DSTN: variants seen among roughly 807,000 people sequenced by gnomAD.
DSTN encodes destrin.
Under a neutral mutation model 16.8 loss-of-function variants are expected in DSTN, and 10 were observed. The observed-to-expected ratio is 0.60, with a 90% confidence interval of 0.37 to 1.01. The LOEUF is 1.01. Ranked by LOEUF, DSTN falls within the 50% of genes least tolerant of loss-of-function variation. The pLI is 0.01. For missense variants in DSTN, 141 were observed against 196.7 expected (o/e 0.72, Z 1.69); for synonymous variants, 57 against 58.9 (o/e 0.97, Z 0.14).
intron 1 of DSTN, among the ~76,000 whole-genome samples, chr20:17,585,719 A>G (rs2035399996): frequency 6.6e-6 from 1 of 152,156 alleles, no homozygotes; most frequent in South Asian, 2.1e-4. Context: ...AAAATATAGA[A>G]TAATTCCTTC....
chr20:17,596,213 C>T (rs1450042093), intron 1 of DSTN, among the ~76,000 whole-genome samples: 1 of 151,954 alleles, frequency 6.6e-6, no homozygotes, highest in Admixed American at 6.6e-5. Context: ...TTTTTAGTGT[C>T]CTTGATGGGT....
intron 1 of DSTN, 67 bp downstream of exon 1, chr20:17,570,278 G>A: frequency 1.4e-6 from 2 of 1,435,162 alleles, no homozygotes; most frequent in South Asian, 2.8e-5. Flanking sequence ...GGGGCGCCGC[G>A]GAGTCGGGGC....
At chr20:17,603,336 G>A (rs2025041) in intron 2 of DSTN, among the ~76,000 whole-genome samples, 151,184 of 152,340 alleles carry the variant, frequency 0.99, 75,027 homozygotes, top group East Asian at 1. Context: ...GGAAACTACA[G>A]CTTTAAGCAA....
rs773960626 is a variant in DSTN, at chr20:17,607,079, A to G, written c.431A>G (p.Asn144Ser). 12 of 1,613,732 alleles carry G rather than the reference A, an allele frequency of 7.4e-6. No individual in the cohort carries two copies. Among genetic ancestry groups the G allele is most frequent in the Non-Finnish European group, 9.3e-6 (11 of 1,180,008 alleles). ...ECQANGPEDL[N>S]RACIAEKLGG... Reference sequence around the variant, plus strand: ...CAAGCAAATGGACCAGAAGATCTCAATCGGGCTTGTATTGCTGAAAAGTTA... The same window carrying G: ...CAAGCAAATGGACCAGAAGATCTCAGTCGGGCTTGTATTGCTGAAAAGTTA... The change falls in exon 4 of 4, where the codon AAT (asparagine) becomes AGT (serine). Residue 144 changes from asparagine to serine, a missense_variant. Asn to Ser is a conservative substitution (Grantham distance 46). Coordinates refer to ENST00000246069, the MANE Select transcript of DSTN (RefSeq NM_006870.4).
At chr20:17,576,729 G>GT (rs1002770545) in intron 1 of DSTN, among the ~76,000 whole-genome samples, 33 of 152,252 alleles carry the variant, frequency 2.2e-4, no homozygotes, top group Non-Finnish European at 4.3e-4. Context: ...AAGGAAGATT[G>GT]TTTACTCCTT....
chr20:17,583,883 C>G (rs1375287705), intron 1 of DSTN, among the ~76,000 whole-genome samples: 1 of 151,802 alleles, frequency 6.6e-6, no homozygotes. Flanking sequence ...ACTACAGGCC[C>G]ATACCACCAT....
chr20:17,576,225 T>TA (rs373652437), intron 1 of DSTN: 4 of 152,396 alleles, frequency 2.6e-5, no homozygotes, highest in African/African-American at 9.6e-5. Context: ...CTGTAATACT[T>TA]ACATGCTGCC....
At chr20:17,579,390 C>T (rs1244501248) in intron 1 of DSTN, among the ~76,000 whole-genome samples, 1 of 151,852 alleles carries the variant, frequency 6.6e-6, no homozygotes. Flanking sequence ...GCCTGAGCAA[C>T]ATGACAAAAC....
chr20:17,581,762 T>C (rs2035347264), intron 1 of DSTN, among the ~76,000 whole-genome samples: 1 of 152,164 alleles, frequency 6.6e-6, no homozygotes, highest in Non-Finnish European at 1.5e-5. Context: ...TTAGCATAAA[T>C]TGAGGTTCTT....
chr20:17,589,755 G>A (rs2035450400), intron 1 of DSTN, among the ~76,000 whole-genome samples: 1 of 152,344 alleles, frequency 6.6e-6, no homozygotes, highest in African/African-American at 2.4e-5. Context: ...CCTTTGAGAA[G>A]TTGGTAGAAG....
At chr20:17,594,920 T>G (rs944473972) in intron 1 of DSTN, among the ~76,000 whole-genome samples, 1 of 152,106 alleles carries the variant, frequency 6.6e-6, no homozygotes, top group Non-Finnish European at 1.5e-5. Context: ...ACCAGCTTGT[T>G]TTTTATTTTA....
Position 17,609,235 on chromosome 20 carries a change from ACT to A in DSTN, c.*2092_*2093del, listed in dbSNP as rs2035674026. The A allele has an allele frequency of 2.0e-5, 3 of 152,016 alleles. No homozygotes were observed. The South Asian group carries it at 6.2e-4, about 32-fold the overall frequency. The allele number at this position is 152,016 out of a possible 1,614,324, so 9.4% of individuals were successfully genotyped here. A position where few individuals can be genotyped will look rare whatever the true frequency, so the allele number is the denominator to read the frequency against. On this transcript the variant is annotated 3_prime_UTR_variant, in exon 4 of 4. Transcript: ENST00000246069. ...GTTTTGTTTTTTGAGACAGGGTCTC[ACT>A]CTTTCCCCCAGGCTAGAGTGCAGTG...
At position 17,571,854 on chromosome 20, in the gene DSTN, G is replaced by A. The variant is rs113024427; in HGVS notation, c.3+1643G>A. On this transcript the variant is annotated intron_variant, in intron 1 of 3. Coordinates refer to ENST00000246069, the MANE Select transcript of DSTN (RefSeq NM_006870.4). ...CTGTTATATTTCCTGGTTCTTGTGA[G>A]GAGTGGGAGAAATAAAAATTAGAAA... Among the ~76,000 whole-genome samples the A allele has an allele frequency of 7.3e-3, 1,108 of 152,280 alleles. 13 individuals are homozygous for A. The highest frequency in any genetic ancestry group is 0.025 in the African/African-American group (1,053 of 41,546).
At chr20:17,605,231 C>T (rs6034862) in intron 3 of DSTN, 40 of 455,236 alleles carry the variant, frequency 8.8e-5, no homozygotes, top group African/African-American at 7.2e-4. Context: ...ATGGAAAGAA[C>T]GTGCATGGGG....
In DSTN at chr20:17,570,206, A is replaced by C. The variant is rs1485429262; in HGVS notation, c.-3A>C. 11 of 1,519,118 alleles carry C rather than the reference A, an allele frequency of 7.2e-6. No homozygotes were observed. Among genetic ancestry groups the C allele is most frequent in the East Asian group, 5.3e-5 (2 of 37,880 alleles). The allele number at this position is 1,519,118 out of a possible 1,614,324, so 94.1% of individuals were successfully genotyped here. ...CCGCGTCCCTGCGACCGCCGCGGCG[A>C]AGATGGTGAGTAGGAGGGAGGCCGA... On this transcript the variant is annotated 5_prime_UTR_variant, in exon 1 of 4. Transcript: ENST00000246069.
Position 17,607,513 on chromosome 20 carries a change from T to C in DSTN, c.*367T>C, listed in dbSNP as rs550580702. 1.9e-3 allele frequency: 325 copies of C among 173,930 alleles called. No homozygotes were observed. Among genetic ancestry groups the C allele is most frequent in the Non-Finnish European group, 3.0e-3 (244 of 82,514 alleles). 10.8% of individuals were successfully genotyped at this position (173,930 alleles called of 1,614,324 possible). On this transcript the variant is annotated 3_prime_UTR_variant, in exon 4 of 4. Coordinates refer to ENST00000246069, the MANE Select transcript of DSTN (RefSeq NM_006870.4). ...TTTCTTTTGCTTAGGAAATTGCTCATAATCTGGTTATAATTTTGGTCCAAA... is the reference window on the plus strand; with the variant it reads ...TTTCTTTTGCTTAGGAAATTGCTCACAATCTGGTTATAATTTTGGTCCAAA...
chr20:17,597,484 G>T (rs753760819), intron 1 of DSTN, among the ~76,000 whole-genome samples: 1 of 152,158 alleles, frequency 6.6e-6, no homozygotes, highest in Admixed American at 6.5e-5. Context: ...TTGTATAAAT[G>T]TATGGGGGTA....
intron 1 of DSTN, among the ~76,000 whole-genome samples, chr20:17,595,808 T>G (rs1376035401): frequency 2.0e-5 from 3 of 152,112 alleles, no homozygotes; most frequent in Non-Finnish European, 2.9e-5. Flanking sequence ...AAGTACTCAG[T>G]GTATGTTTTA....
In DSTN at chr20:17,573,513, A is replaced by AT. The variant is rs113801346; in HGVS notation, c.3+3304dup. On this transcript the variant is annotated intron_variant, in intron 1 of 3. Coordinates refer to ENST00000246069, the MANE Select transcript of DSTN (RefSeq NM_006870.4). ...ATAATAGGCAATTTCCATGTCATATATTGCTATATATTACTTCTCTAGCCC... is the reference window on the plus strand; with the variant it reads ...ATAATAGGCAATTTCCATGTCATATATTTGCTATATATTACTTCTCTAGCCC... Among the ~76,000 whole-genome samples the AT allele has an allele frequency of 7.7e-3, 1,178 of 152,188 alleles. 13 individuals are homozygous for AT. The highest frequency in any genetic ancestry group is 0.024 in the African/African-American group (1,007 of 41,528).
Sources: allele counts gnomAD v4.1 joint callset (sites outside exome capture counted in the v4.1 genomes callset), GRCh38; gene constraint gnomAD v4.1.1; transcripts MANE v1.5; gene names NCBI Gene and HGNC (gene_info 2026-07-23, HGNC 2026-07-21).